The following NCOA6 variants were observed in gnomAD, a reference collection of about 807,000 sequenced individuals.
NCOA6 encodes the protein NRC RAP250.
NCOA6 carries 49 observed loss-of-function variants against 171.4 expected under a neutral mutation model. The ratio of observed to expected loss-of-function variants is 0.29; its 90% confidence interval spans 0.23 to 0.36. NCOA6 has a LOEUF of 0.36. Ranked by LOEUF, NCOA6 falls within the 10% of genes least tolerant of loss-of-function variation. NCOA6 has a pLI of 1.00. For synonymous variants in NCOA6, 910 were observed against 927.5 expected (o/e 0.98, Z 0.34); for missense variants, 2,248 against 2,554.5 (o/e 0.88, Z 2.59).
intron 2 of NCOA6, among the ~76,000 whole-genome samples, chr20:34,789,440 TATCAGCAGTTCCCCA>T (rs1399985874): frequency 6.6e-6 from 1 of 152,206 alleles, no homozygotes; most frequent in Non-Finnish European, 1.5e-5. Flanking sequence ...GTCACAGGTT[TATCAGCAGTTCCCCA>T]AGTTCCTACT....
At chr20:34,772,914 G>A (rs2077194864) in intron 4 of NCOA6, among the ~76,000 whole-genome samples, 1 of 151,798 alleles carries the variant, frequency 6.6e-6, no homozygotes, top group East Asian at 1.9e-4. Flanking sequence ...TCTTACCTAA[G>A]AAAAAAAATC....
chr20:34,741,802 C>G lies in NCOA6; in HGVS notation c.4454G>C (p.Arg1485Thr). The change falls in exon 11 of 15, where the codon AGG becomes ACG. Residue 1485 changes from arginine (R) to threonine (T), a missense_variant. Arg to Thr is a moderately conservative substitution (Grantham distance 71). Transcript: ENST00000359003. Reference protein sequence around the residue: ...ENKNLVSPAMREAPTSLSQLL... With the variant: ...ENKNLVSPAMTEAPTSLSQLL... ...TTGACTTAACGATGTTGGTGCTTCC[C>G]TCATAGCAGGAGACACCAAATTTTT... The G allele has an allele frequency of 6.2e-7, 1 of 1,614,180 alleles. No homozygotes were observed. Among genetic ancestry groups the G allele is most frequent in the Non-Finnish European group, 8.5e-7 (1 of 1,180,034 alleles).
chr20:34,739,881 TCAGA>T (rs748587083), intron 11 of NCOA6, among the ~76,000 whole-genome samples: 3 of 152,212 alleles, frequency 2.0e-5, no homozygotes, highest in East Asian at 3.8e-4. Flanking sequence ...TTTGTTTTTT[TCAGA>T]CAGAGTCTCG....
At chr20:34,809,860 C>T (rs990188391) in intron 1 of NCOA6, among the ~76,000 whole-genome samples, 23 of 152,188 alleles carry the variant, frequency 1.5e-4, no homozygotes, top group African/African-American at 4.3e-4. Context: ...CACAGCCACT[C>T]GGGAGGCTGA....
intron 9 of NCOA6, 119 bp downstream of exon 9, chr20:34,749,284 G>A (rs952172728): frequency 8.3e-7 from 1 of 1,211,368 alleles, no homozygotes; most frequent in Non-Finnish European, 1.1e-6. Context: ...GATAATTATT[G>A]AAGCAGGGGG....
intron 3 of NCOA6, chr20:34,776,813 G>T: frequency 2.2e-6 from 1 of 460,894 alleles, no homozygotes; most frequent in South Asian, 1.6e-5. Flanking sequence ...AGGACCATAA[G>T]AAAGAAGAGA....
At position 34,743,348 on chromosome 20, in the gene NCOA6, C is replaced by G. The variant is rs751438083; in HGVS notation, c.2915-7G>C. The G allele has an allele frequency of 1.9e-5, 30 of 1,585,048 alleles. No individual in the cohort carries two copies. In the South Asian group the frequency reaches 3.2e-4, roughly 17 times the overall value. ...ACTGGTTGAGAAGGATAACCTAAAA[C>G]AAGCCCCCCAAATTAGGGAAGTTAG... On this transcript the variant is annotated splice_region_variant and splice_polypyrimidine_tract_variant and intron_variant, in intron 10 of 14. Transcript: ENST00000359003.
In NCOA6 at chr20:34,715,269, C is replaced by T. The variant is rs551107591; in HGVS notation, c.*53G>A. On this transcript the variant is annotated 3_prime_UTR_variant, in exon 15 of 15. Coordinates refer to ENST00000359003, the MANE Select transcript of NCOA6 (RefSeq NM_014071.5). ...TTAAAAAAGTCACAGCTCAAAATTG[C>T]TCTTTGTAAAAGTCACACACATTTC... 9.9e-6 allele frequency: 16 copies of T among 1,612,062 alleles called. No homozygotes were observed. The highest frequency in any genetic ancestry group is 1.2e-5 in the Non-Finnish European group (14 of 1,178,640).
chr20:34,817,155 A>G lies in NCOA6; in HGVS notation c.-164+8317T>C, dbSNP rs1338175037. Among the ~76,000 whole-genome samples the G allele has an allele frequency of 3.3e-5, 4 of 122,752 alleles. 2 individuals carry two copies. Among genetic ancestry groups the G allele is most frequent in the Non-Finnish European group, 7.3e-5 (4 of 54,478 alleles). The allele number at this position is 122,752 out of a possible 152,430, so 80.5% of individuals were successfully genotyped here. On this transcript the variant is annotated intron_variant, in intron 1 of 14. Transcript: ENST00000359003. The stretch of plus-strand genomic sequence containing the variant: ...CACAAAAAAGCAAAAGCAAAAGCAA[A>G]AGAAAATGTATATAAATGGGTACTA...
intron 1 of NCOA6, among the ~76,000 whole-genome samples, chr20:34,793,860 T>C (rs2077977535): frequency 6.6e-6 from 1 of 152,022 alleles, no homozygotes. Flanking sequence ...AATAAAAAGA[T>C]CAATTTGGAC....
rs577520936 is a variant in NCOA6 at position 34,769,337 on chromosome 20, C to T, written c.392-751G>A. Among the ~76,000 whole-genome samples the T allele has an allele frequency of 3.3e-5, 5 of 152,014 alleles. 1 individual carries two copies. The highest frequency in any genetic ancestry group is 3.3e-4 in the Admixed American group (5 of 15,258). On this transcript the variant is annotated intron_variant, in intron 4 of 14. Transcript: ENST00000359003. Reference sequence around the variant, plus strand: ...CCTCCTGAGTTGCTGGGACCACAGGCGCACATCACTATGTCCGGCTACGTA... The same window carrying T: ...CCTCCTGAGTTGCTGGGACCACAGGTGCACATCACTATGTCCGGCTACGTA...
chr20:34,743,304 C>A lies in NCOA6; in HGVS notation c.2952G>T (p.Gln984His). 1 of 1,611,810 alleles carries A rather than the reference C, an allele frequency of 6.2e-7. No homozygotes were observed. The highest frequency in any genetic ancestry group is 8.5e-7 in the Non-Finnish European group (1 of 1,178,380). ...GCTGCATGAGTTGAGGAGGCATCTG[C>A]TGAAGTGGCCTCTGTTCAACTGGTT... ...PSQPVEQRPL[Q>H]QMPPQLMQHV... Residue 984 changes from glutamine to histidine, a missense_variant, in exon 11 of 15, where the codon CAG becomes CAT. Transcript: ENST00000359003.
At chr20:34,822,073 T>G (rs1233326071) in intron 1 of NCOA6, among the ~76,000 whole-genome samples, 1 of 152,190 alleles carries the variant, frequency 6.6e-6, no homozygotes, top group Non-Finnish European at 1.5e-5. Context: ...CCACAGTCTC[T>G]GCCTTAGTTC....
chr20:34,778,187 C>T (rs1159110381), intron 3 of NCOA6, among the ~76,000 whole-genome samples: 6 of 152,128 alleles, frequency 3.9e-5, no homozygotes, highest in Admixed American at 1.3e-4. Flanking sequence ...CAGGCGTGAG[C>T]CACTGCGCCC....
Position 34,792,320 on chromosome 20 carries a change from T to C in NCOA6, c.-50+130A>G, listed in dbSNP as rs560167845. 3 of 379,020 alleles carry C rather than the reference T, an allele frequency of 7.9e-6. No homozygotes were observed. In the South Asian group the frequency reaches 4.4e-4, roughly 55 times the overall value. 23.5% of individuals were successfully genotyped at this position (379,020 alleles called of 1,614,324 possible). A position where few individuals can be genotyped will look rare whatever the true frequency, so the allele number is the denominator to read the frequency against. ...ACAGAAGAATAGCATCTGTATTTTA[T>C]TAAATGTCTCCAAGAATAATAAATG... is the stretch of plus-strand genomic sequence containing the variant. On this transcript the variant is annotated intron_variant, in intron 2 of 14. Transcript: ENST00000359003.
intron 2 of NCOA6, among the ~76,000 whole-genome samples, chr20:34,788,281 C>A (rs1160361528): frequency 1.3e-5 from 2 of 152,190 alleles, no homozygotes; most frequent in African/African-American, 4.8e-5. Flanking sequence ...CCAGGCTGGT[C>A]TTGAACTCCT....
intron 10 of NCOA6, among the ~76,000 whole-genome samples, chr20:34,746,576 A>T (rs1227445219): frequency 2.0e-5 from 3 of 152,220 alleles, no homozygotes; most frequent in Admixed American, 2.0e-4. Flanking sequence ...AGGACTTAAA[A>T]TAACAAAGAC....
At chr20:34,717,399 G>A (rs191946207) in intron 14 of NCOA6, among the ~76,000 whole-genome samples, 15 of 152,242 alleles carry the variant, frequency 9.9e-5, no homozygotes, top group East Asian at 1.9e-4. Flanking sequence ...GTGGTGAGCC[G>A]AGATTGCGCC....
rs576312918 is a variant in NCOA6 at position 34,754,832 on chromosome 20, C to T, written c.1565G>A (p.Gly522Glu). Residue 522 changes from glycine to glutamate, a missense_variant, in exon 8 of 15, where the codon GGA becomes GAA. Gly to Glu is a moderately conservative substitution (Grantham distance 98). Around this residue, in one of 7 missense-constraint regions of NCOA6, gnomAD observed 987 missense variants for 1,104.7 expected, o/e 0.89. Coordinates refer to ENST00000359003, the MANE Select transcript of NCOA6 (RefSeq NM_014071.5). ...PKRLPPGFSAGQANPNFMQGQ... is the reference protein window; with the variant it reads ...PKRLPPGFSAEQANPNFMQGQ... Reference sequence around the variant, plus strand: ...TTGCATAAAGTTCGGATTGGCCTGTCCTGCTGAGAAGCCAGGTGGGAGGCG... The same window carrying T: ...TTGCATAAAGTTCGGATTGGCCTGTTCTGCTGAGAAGCCAGGTGGGAGGCG... The T allele has an allele frequency of 4.8e-5, 77 of 1,614,092 alleles. No homozygotes were observed. Among genetic ancestry groups the T allele is most frequent in the Admixed American group, 1.3e-4 (8 of 60,024 alleles).
Sources: allele counts gnomAD v4.1 joint callset (sites outside exome capture counted in the v4.1 genomes callset), GRCh38; gene constraint gnomAD v4.1.1; regional missense constraint gnomAD v4.1.1; transcripts MANE v1.5; gene names NCBI Gene and HGNC (gene_info 2026-07-23, HGNC 2026-07-21).